Variants in ZNF845 observed in about 807,000 individuals in gnomAD.
The protein encoded by ZNF845 is zinc finger protein 845.
ZNF845 carries 59 observed loss-of-function variants against 76.1 expected under a neutral mutation model. That is an observed-to-expected ratio of 0.78 (90% CI 0.63 to 0.96). The LOEUF (loss-of-function observed/expected upper bound fraction) is 0.96, where lower values mean the gene tolerates loss of function less well. ZNF845 is among the 40% of genes least tolerant of loss of function. ZNF845 has a pLI of 0.00. For missense variants in ZNF845, 1,045 were observed against 1,172.8 expected (o/e 0.89, Z 1.59); for synonymous variants, 361 against 386.9 (o/e 0.93, Z 0.78).
In ZNF845 at chr19:53,351,003, G is replaced by T; in HGVS notation, c.328G>T (p.Glu110Ter). The T allele has an allele frequency of 1.2e-6, 2 of 1,614,168 alleles. No individual in the cohort carries two copies. The highest frequency in any genetic ancestry group is 2.2e-5 in the East Asian group (1 of 44,888). Residue 110 changes from glutamate to a stop codon, truncating the protein, a stop_gained, in exon 4 of 4, where the codon GAA becomes TAA. Coordinates refer to ENST00000458035, the MANE Select transcript of ZNF845 (RefSeq NM_138374.3). LOFTEE classifies it high-confidence loss of function. Reference protein sequence around the residue: ...QWKEDERNSHEAPMTEIKQLT... With the variant: ...QWKEDERNSH ...GAAAGAAGATGAAAGAAATAGCCAT[G>T]AAGCACCCATGACAGAAATCAAACA...
At chr19:53,343,882 G>A (rs1009282625) in intron 2 of ZNF845, among the ~76,000 whole-genome samples, 2 of 151,920 alleles carry the variant, frequency 1.3e-5, no homozygotes, top group Admixed American at 6.6e-5. Flanking sequence ...GCACAGTGGC[G>A]CGATCTTAGC....
At chr19:53,343,015 C>T (rs1470909389) in intron 2 of ZNF845, among the ~76,000 whole-genome samples, 1 of 152,096 alleles carries the variant, frequency 6.6e-6, no homozygotes, top group Non-Finnish European at 1.5e-5. Flanking sequence ...GACAGGGTTT[C>T]ACCATGTTGG....
chr19:53,338,834 G>A (rs1013648997), intron 1 of ZNF845, among the ~76,000 whole-genome samples: 2 of 151,692 alleles, frequency 1.3e-5, no homozygotes, highest in African/African-American at 4.9e-5. Context: ...TAGTCCTACA[G>A]CTTTGGGAGG....
intron 1 of ZNF845, among the ~76,000 whole-genome samples, chr19:53,336,215 A>G (rs1242832521): frequency 1.3e-5 from 2 of 151,000 alleles, no homozygotes; most frequent in Non-Finnish European, 3.0e-5. Flanking sequence ...ATCTCAAAAA[A>G]AAAAAAAAAA....
intron 2 of ZNF845, among the ~76,000 whole-genome samples, chr19:53,344,174 A>G (rs949471438): frequency 7.2e-5 from 11 of 152,092 alleles, no homozygotes; most frequent in African/African-American, 2.7e-4. Flanking sequence ...TTCACTGCGG[A>G]CGTTGTCATC....
At chr19:53,347,275 CT>C (rs778703414) in intron 3 of ZNF845, among the ~76,000 whole-genome samples, 167 of 141,536 alleles carry the variant, frequency 1.2e-3, no homozygotes, top group Middle Eastern at 3.8e-3. Flanking sequence ...TTCTTTCTTT[CT>C]TTTTTTTTTT....
chr19:53,340,267 G>A (rs1257194594), intron 1 of ZNF845, among the ~76,000 whole-genome samples: 3 of 152,208 alleles, frequency 2.0e-5, no homozygotes, highest in Non-Finnish European at 4.4e-5. Context: ...GGCCAGGCTG[G>A]TTTCGAACTT....
chr19:53,339,316 G>C (rs1477298627), intron 1 of ZNF845, among the ~76,000 whole-genome samples: 2 of 152,008 alleles, frequency 1.3e-5, no homozygotes, highest in East Asian at 3.9e-4. Context: ...TAGAAAAAGG[G>C]GTTTTTCTCT....
intron 1 of ZNF845, among the ~76,000 whole-genome samples, chr19:53,340,398 C>G (rs2085247971): frequency 6.6e-6 from 1 of 152,150 alleles, no homozygotes; most frequent in South Asian, 2.1e-4. Context: ...ATGGCCCCTG[C>G]AGACCTCTCC....
intron 3 of ZNF845, among the ~76,000 whole-genome samples, chr19:53,346,074 A>G (rs898463209): frequency 1.3e-5 from 2 of 151,960 alleles, no homozygotes; most frequent in Non-Finnish European, 2.9e-5. Context: ...TTTTCTTTGG[A>G]CAACATGTAG....
At chr19:53,333,981 C>A (rs1165235620) in intron 1 of ZNF845, among the ~76,000 whole-genome samples, 189 bp downstream of exon 1, 1 of 152,222 alleles carries the variant, frequency 6.6e-6, no homozygotes, top group Admixed American at 6.5e-5. Context: ...TGAGGATGGT[C>A]CCTTCCCGAA....
At position 53,342,644 on chromosome 19, in the gene ZNF845, C is replaced by G. The variant is rs78852217; in HGVS notation, c.15+1322C>G. Among the ~76,000 whole-genome samples, 14 of 151,796 alleles carry G rather than the reference C, an allele frequency of 9.2e-5. No homozygotes were observed. The South Asian group carries it at 1.7e-3, about 18-fold the overall frequency. ...GCGCGTCTGTATTTCTGCATCGTTA[C>G]GAGACTTTAGAAAAAATTCTGCGGT... On this transcript the variant is annotated intron_variant, in intron 2 of 3. Transcript: ENST00000458035.
At chr19:53,334,377 G>A (rs1024091947) in intron 1 of ZNF845, among the ~76,000 whole-genome samples, 8 of 152,204 alleles carry the variant, frequency 5.3e-5, no homozygotes, top group Non-Finnish European at 1.2e-4. Flanking sequence ...GAGACTGAGA[G>A]AGAGAGCAGT....
chr19:53,341,340 G>C lies in ZNF845; in HGVS notation c.15+18G>C. ...TTTCTCAGGTGAGATGATATGTTGG[G>C]TGGATTGTTCTGTCTCCTTCCTCTC... On this transcript the variant is annotated intron_variant, in intron 2 of 3. Transcript: ENST00000458035. The C allele has an allele frequency of 1.2e-6, 2 of 1,613,936 alleles. No individual in the cohort carries two copies. Among genetic ancestry groups the C allele is most frequent in the Non-Finnish European group, 8.5e-7 (1 of 1,179,876 alleles).
Position 53,351,489 on chromosome 19 carries a change from A to G in ZNF845, c.814A>G (p.Lys272Glu). The G allele has an allele frequency of 6.2e-7, 1 of 1,614,250 alleles. No homozygotes were observed. Among genetic ancestry groups the G allele is most frequent in the Non-Finnish European group, 8.5e-7 (1 of 1,180,034 alleles). ...ATGTCACACTGGCAAGAAACCTTAC[A>G]AGTGTAATGATTGTGGCAAGACCTT... ...RRCHTGKKPY[K>E]CNDCGKTFSQ... is the part of the protein sequence containing the mutation. The change falls in exon 4 of 4, where the codon AAG becomes GAG. Residue 272 changes from lysine (K) to glutamate (E), a missense_variant. Lys to Glu is a moderately conservative substitution (Grantham distance 56). Transcript: ENST00000458035.
Position 53,351,455 on chromosome 19 carries a change from T to G in ZNF845, c.780T>G (p.Cys260Trp). 1.2e-6 allele frequency: 2 copies of G among 1,614,194 alleles called. No homozygotes were observed. The highest frequency in any genetic ancestry group is 1.1e-5 in the South Asian group (1 of 91,080). ...TTAATCAAAAGCGATATCTTGCATGTCATCGTAGATGTCACACTGGCAAGA... is the reference window on the plus strand; with the variant it reads ...TTAATCAAAAGCGATATCTTGCATGGCATCGTAGATGTCACACTGGCAAGA... ...KVFNQKRYLACHRRCHTGKKP... is the reference protein window; with the variant it reads ...KVFNQKRYLAWHRRCHTGKKP... The change falls in exon 4 of 4, where the codon TGT becomes TGG. Residue 260 changes from cysteine to tryptophan, a missense_variant. Transcript: ENST00000458035.
rs747918324 is a variant in ZNF845 at position 53,350,869 on chromosome 19, A to G, written c.194A>G (p.Asn65Ser). Residue 65 changes from asparagine (N) to serine (S), a missense_variant, in exon 4 of 4, where the codon AAT becomes AGT. By Grantham distance (46) the Asn-to-Ser change is conservative. Transcript: ENST00000458035. ...MKEFSSTAQGNTEVIHTGTLQ... is the reference protein window; with the variant it reads ...MKEFSSTAQGSTEVIHTGTLQ... ...GAGTTCTCATCAACAGCACAAGGCA[A>G]TACAGAAGTGATCCACACAGGGACA... The G allele has an allele frequency of 2.6e-5, 42 of 1,614,018 alleles. No individual in the cohort carries two copies. Among genetic ancestry groups the G allele is most frequent in the Non-Finnish European group, 3.2e-5 (38 of 1,180,032 alleles).
intron 1 of ZNF845, chr19:53,340,982 A>G: frequency 2.2e-6 from 1 of 458,156 alleles, no homozygotes; most frequent in Non-Finnish European, 3.9e-6. Flanking sequence ...CTCAGTGGGG[A>G]CTTCTGTGAC....
In ZNF845 at chr19:53,350,997, AGCCATG is replaced by A; in HGVS notation, c.323_328del (p.Ser108_Glu110delinsLys). ...TCAGTGGAAAGAAGATGAAAGAAATAGCCATGAAGCACCCATGACAGAAATCAAACA... is the reference window on the plus strand; with the variant it reads ...TCAGTGGAAAGAAGATGAAAGAAATAAAGCACCCATGACAGAAATCAAACA... On this transcript the variant is annotated inframe_deletion, in exon 4 of 4. Transcript: ENST00000458035. 6.2e-7 allele frequency: 1 copy of A among 1,614,220 alleles called. No homozygotes were observed. The highest frequency in any genetic ancestry group is 8.5e-7 in the Non-Finnish European group (1 of 1,180,040).
Sources: gnomAD v4.1 joint callset for allele counts (sites outside exome capture counted in the v4.1 genomes callset) on GRCh38, gnomAD v4.1.1 for gene constraint, MANE v1.5 for transcripts, NCBI Gene and HGNC (gene_info 2026-07-23, HGNC 2026-07-21) for gene names.